LYSMD2: variants seen among roughly 807,000 people sequenced by gnomAD.
LYSMD2 encodes lysM and putative peptidoglycan-binding domain-containing protein 2.
LYSMD2 carries 6 observed loss-of-function variants against 17.7 expected under a neutral mutation model. The ratio of observed to expected loss-of-function variants is 0.34; its 90% CI spans 0.19 to 0.67. The LOEUF is 0.67. Ranked by LOEUF, LYSMD2 falls within the 30% of genes least tolerant of loss-of-function variation. LYSMD2 has a pLI of 0.69. For missense variants in LYSMD2, 237 were observed against 286.7 expected (o/e 0.83, Z 1.25); for synonymous variants, 102 against 129.8 (o/e 0.79, Z 1.45).
At chr15:51,744,543 T>G (rs2055658031) in intron 1 of LYSMD2, among the ~76,000 whole-genome samples, 1 of 152,170 alleles carries the variant, frequency 6.6e-6, no homozygotes, top group South Asian at 2.1e-4. Flanking sequence ...TGGATTCAAT[T>G]TTTTAATATT....
Position 51,737,130 on chromosome 15 carries a change from C to T in LYSMD2, c.273+220G>A, listed in dbSNP as rs940942684. ...GAGGGAGCCCTGGCGGTCCGCCCCT[C>T]CCGCTGCAGGACCAGCTTTGGCGAC... On this transcript the variant is annotated intron_variant, in intron 1 of 2. Transcript: ENST00000267838. The surrounding 1 kb of genome is among the most constrained non-coding windows in gnomAD (Gnocchi z 4.2). 6.6e-6 allele frequency among the ~76,000 whole-genome samples: 1 copy of T among 152,236 alleles called. No homozygotes were observed. Among genetic ancestry groups the T allele is most frequent in the Non-Finnish European group, 1.5e-5 (1 of 68,022 alleles).
chr15:51,737,448 G>T lies in LYSMD2; in HGVS notation c.175C>A (p.Arg59=), dbSNP rs1041054052. The T allele has an allele frequency of 1.4e-6, 2 of 1,428,792 alleles. No individual in the cohort carries two copies. The highest frequency in any genetic ancestry group is 1.8e-6 in the Non-Finnish European group (2 of 1,094,578). The allele number at this position is 1,428,792 out of a possible 1,614,324, so 88.5% of individuals were successfully genotyped here. ...TRSYGSTASV[R]APLGAGVIER... ...ATGACGCCGGCGCCCAGCGGCGCCC[G>T]CACGCTGGCGGTGCTGCCGTACGAG... The change falls in exon 1 of 3, where the codon CGG becomes AGG. Residue 59 remains arginine, a synonymous_variant. Transcript: ENST00000267838. This position sits in a 1 kb window ranked among gnomAD's most constrained non-coding sequence, Gnocchi z 4.2.
upstream of LYSMD2, among the ~76,000 whole-genome samples, chr15:51,739,951 G>C (rs903173099): frequency 1.3e-5 from 2 of 151,878 alleles, no homozygotes; most frequent in Non-Finnish European, 2.9e-5. Context: ...TGGCTTTGGG[G>C]TTTTCTTTGT....
chr15:51,740,506 C>G (rs2055637522), upstream of LYSMD2, among the ~76,000 whole-genome samples: 1 of 151,974 alleles, frequency 6.6e-6, no homozygotes, highest in South Asian at 2.1e-4. Context: ...TTTGCCAAGG[C>G]AATTTTAAAA....
At chr15:51,732,059 A>T (rs2055580546) in intron 1 of LYSMD2, among the ~76,000 whole-genome samples, 1 of 152,182 alleles carries the variant, frequency 6.6e-6, no homozygotes, top group African/African-American at 2.4e-5. Flanking sequence ...GCCTAAACTT[A>T]TATGTCATTC....
At chr15:51,744,384 A>G (rs2055657141) in intron 1 of LYSMD2, among the ~76,000 whole-genome samples, 2 of 152,124 alleles carry the variant, frequency 1.3e-5, no homozygotes, top group African/African-American at 4.8e-5. Context: ...TTTTTTCTGC[A>G]TCTATTGATA....
At chr15:51,750,921 T>G (rs920622647) in intron 1 of LYSMD2, among the ~76,000 whole-genome samples, 8 of 152,206 alleles carry the variant, frequency 5.3e-5, no homozygotes, top group African/African-American at 1.9e-4. Flanking sequence ...TATAGGACTT[T>G]CCCGGCCCAA....
chr15:51,746,572 T>C (rs893197026), intron 1 of LYSMD2, among the ~76,000 whole-genome samples: 11 of 152,186 alleles, frequency 7.2e-5, no homozygotes, highest in South Asian at 2.1e-4. Flanking sequence ...CTAAAAACCA[T>C]TGAACTGTGC....
chr15:51,728,642 G>A (rs1019406253), intron 1 of LYSMD2, among the ~76,000 whole-genome samples: 3 of 152,034 alleles, frequency 2.0e-5, no homozygotes, highest in African/African-American at 7.2e-5. Flanking sequence ...GGCCGAGGCA[G>A]GTGGATCACC....
At chr15:51,730,500 A>C (rs1286487564) in intron 1 of LYSMD2, among the ~76,000 whole-genome samples, 2 of 152,228 alleles carry the variant, frequency 1.3e-5, no homozygotes, top group Non-Finnish European at 2.9e-5. Context: ...CAGGTGACAG[A>C]GCAAGACCCT....
upstream of LYSMD2, among the ~76,000 whole-genome samples, chr15:51,738,325 GT>G (rs1318162384): frequency 1.3e-5 from 2 of 152,078 alleles, no homozygotes; most frequent in African/African-American, 2.4e-5. Flanking sequence ...AGTTGTTCGG[GT>G]TTCACACTTT....
intron 1 of LYSMD2, among the ~76,000 whole-genome samples, chr15:51,730,647 G>A (rs956734780): frequency 6.6e-6 from 1 of 152,192 alleles, no homozygotes; most frequent in African/African-American, 2.4e-5. Flanking sequence ...TCTTGGGCCA[G>A]CATCATCAGT....
intron 1 of LYSMD2, among the ~76,000 whole-genome samples, chr15:51,726,566 G>A (rs1040391554): frequency 7.2e-5 from 11 of 152,308 alleles, no homozygotes; most frequent in Admixed American, 3.9e-4. Context: ...CCTGCAGGAC[G>A]GTAGTCGAGG....
chr15:51,740,098 A>G (rs35391204), upstream of LYSMD2, among the ~76,000 whole-genome samples: 60,048 of 151,876 alleles, frequency 0.4, 12,030 homozygotes, highest in Middle Eastern at 0.47. Context: ...AGCTGGGACT[A>G]CAGCATGTGC....
At chr15:51,738,426 C>G (rs1042476422), upstream of LYSMD2, among the ~76,000 whole-genome samples, 1 of 152,192 alleles carries the variant, frequency 6.6e-6, no homozygotes, top group African/African-American at 2.4e-5. Flanking sequence ...AATTTACTGT[C>G]TGCATTCATC....
upstream of LYSMD2, among the ~76,000 whole-genome samples, chr15:51,738,858 A>G (rs2055629198): frequency 6.6e-6 from 1 of 152,200 alleles, no homozygotes; most frequent in African/African-American, 2.4e-5. Flanking sequence ...AAAAACCTAC[A>G]TTGGCATTCA....
chr15:51,723,549 G>A lies in LYSMD2; in HGVS notation c.*58C>T, dbSNP rs550090969. 8.8e-6 allele frequency: 12 copies of A among 1,356,978 alleles called. No homozygotes were observed. The highest frequency in any genetic ancestry group is 1.3e-5 in the Non-Finnish European group (12 of 947,532). The allele number at this position is 1,356,978 out of a possible 1,614,324, so 84.1% of individuals were successfully genotyped here. A position where few individuals can be genotyped will look rare whatever the true frequency, so the allele number is the denominator to read the frequency against. ...GGATGTTTTTGAATCTTCAGTTGTT[G>A]GATTCTTTATGGTCCAAACATATCT... On this transcript the variant is annotated 3_prime_UTR_variant, in exon 3 of 3. Transcript: ENST00000267838.
At chr15:51,743,672 A>C (rs534114452) in intron 1 of LYSMD2, among the ~76,000 whole-genome samples, 33 of 152,218 alleles carry the variant, frequency 2.2e-4, no homozygotes, top group Non-Finnish European at 4.3e-4. Context: ...TGTGATTTTG[A>C]CTGGGATTGC....
chr15:51,723,609 A>T lies in LYSMD2; in HGVS notation c.646T>A (p.Ter216LysextTer11), dbSNP rs1465836837. 6.2e-7 allele frequency: 1 copy of T among 1,605,890 alleles called. No homozygotes were observed. Among genetic ancestry groups the T allele is most frequent in the South Asian group, 1.1e-5 (1 of 90,658 alleles). ...SPYATSLYHS* is the reference protein window; with the variant it reads ...SPYATSLYHSK Reference sequence around the variant, plus strand: ...TTAGAGTTATGCCCCCAAATCACCTAACTGTGATAGAGGGAAGTTGCATAG... The same window carrying T: ...TTAGAGTTATGCCCCCAAATCACCTTACTGTGATAGAGGGAAGTTGCATAG... Residue 216 changes from the stop codon to lysine, a stop_lost, in exon 3 of 3, where the codon TAG becomes AAG. Coordinates refer to ENST00000267838, the MANE Select transcript of LYSMD2 (RefSeq NM_153374.3).
Sources: allele counts gnomAD v4.1 joint callset (sites outside exome capture counted in the v4.1 genomes callset), GRCh38; gene constraint gnomAD v4.1.1; non-coding constraint Gnocchi (gnomAD v3.1); transcripts MANE v1.5; gene names NCBI Gene and HGNC (gene_info 2026-07-23, HGNC 2026-07-21).